The following FGA variants were observed in gnomAD, a reference collection of about 807,000 sequenced individuals.
The protein encoded by FGA is fibrinogen alpha chain.
In FGA, 20 loss-of-function variants were observed where a neutral mutation model predicts 20.3. That is an observed-to-expected ratio of 0.99 (90% CI 0.69 to 1.43). FGA has a LOEUF of 1.43. FGA is among the 40% of genes most tolerant of loss of function. The pLI is 0.00. For synonymous variants in FGA, 306 were observed against 281.6 expected (o/e 1.09, Z -0.87); for missense variants, 777 against 784.7 (o/e 0.99, Z 0.12).
downstream of FGA, chr4:154,583,991 C>T: frequency 1.4e-6 from 1 of 694,464 alleles, no homozygotes; most frequent in Non-Finnish European, 2.5e-6. Context: ...CATTTAGCTA[C>T]AGTACAAAGG....
At chr4:154,588,487 C>T (rs1730790599) in intron 3 of FGA, among the ~76,000 whole-genome samples, 1 of 152,190 alleles carries the variant, frequency 6.6e-6, no homozygotes, top group African/African-American at 2.4e-5. Context: ...AATATCAACT[C>T]AAAGAGTCTG....
chr4:154,589,212 C>T (rs2110819348), intron 2 of FGA, among the ~76,000 whole-genome samples: 1 of 152,168 alleles, frequency 6.6e-6, no homozygotes, highest in East Asian at 1.9e-4. Flanking sequence ...CTGGTTTTGC[C>T]TGAGCATGCA....
Position 154,585,796 on chromosome 4 carries a change from C to T in FGA, c.1633G>A (p.Glu545Lys), listed in dbSNP as rs146737896. 1.1e-4 allele frequency: 175 copies of T among 1,614,062 alleles called. No homozygotes were observed. Among genetic ancestry groups the T allele is most frequent in the Middle Eastern group, 3.3e-4 (2 of 6,084 alleles). ...PMLGEFVSET[E>K]SRGSESGIFT... ...ATGCCAGATTCTGAGCCCCTAGACTCAGTCTCACTGACAAACTCTCCTAAC... is the reference window on the plus strand; with the variant it reads ...ATGCCAGATTCTGAGCCCCTAGACTTAGTCTCACTGACAAACTCTCCTAAC... Residue 545 changes from glutamate (E) to lysine (K), a missense_variant, in exon 5 of 5, where the codon GAG becomes AAG. Coordinates refer to ENST00000403106, the MANE Select transcript of FGA (RefSeq NM_021871.4).
rs760868274 is a variant in FGA at position 154,586,421 on chromosome 4, A to G, written c.1008T>C (p.Ser336=). The part of the protein sequence containing the change: ...SGPGSTGSWN[S]GSSGTGSTGN... ...CAGTACTTCCAGTTCCAGAGCTCCC[A>G]GAGTTCCAGCTTCCAGTACTTCCAG... The change falls in exon 5 of 5, where the codon TCT becomes TCC. Residue 336 remains serine (S), a synonymous_variant. Coordinates refer to ENST00000403106, the MANE Select transcript of FGA (RefSeq NM_021871.4). The G allele has an allele frequency of 1.3e-5, 21 of 1,611,468 alleles. No homozygotes were observed. In the South Asian group the frequency reaches 2.3e-4, roughly 18 times the overall value.
At chr4:154,587,116 C>T (rs1314556260) in intron 4 of FGA, among the ~76,000 whole-genome samples, 198 bp from the exon 5 acceptor site, 1 of 152,088 alleles carries the variant, frequency 6.6e-6, no homozygotes, top group Non-Finnish European at 1.5e-5. Context: ...GCAGGGCTAG[C>T]CAGGATAAGC....
In FGA at chr4:154,585,305, A is replaced by T. The variant is rs949806362; in HGVS notation, c.*189T>A. On this transcript the variant is annotated 3_prime_UTR_variant, in exon 5 of 5. Coordinates refer to ENST00000403106, the MANE Select transcript of FGA (RefSeq NM_021871.4). ...TCATCCATTTAACATGTATTTATTG[A>T]GTCATGGCTCTGTACTGTTAGGCAT... 2 of 1,268,424 alleles carry T rather than the reference A, an allele frequency of 1.6e-6. No homozygotes were observed. Among genetic ancestry groups the T allele is most frequent in the African/African-American group, 3.0e-5 (2 of 66,426 alleles). 78.6% of individuals were successfully genotyped at this position (1,268,424 alleles called of 1,614,324 possible). A position where few individuals can be genotyped will look rare whatever the true frequency, so the allele number is the denominator to read the frequency against.
In FGA at chr4:154,586,525, G is replaced by C. The variant is rs200203992; in HGVS notation, c.904C>G (p.Pro302Ala). ...GGGTTTCGGTTTCCAGTACTTCCAG[G>C]TCCAGAGCTCCCAGAGTTCCAGCTT... ...AGSWNSGSSG[P>A]GSTGNRNPGS... The change falls in exon 5 of 5, where the codon CCT becomes GCT. Residue 302 changes from proline (P) to alanine (A), a missense_variant. Coordinates refer to ENST00000403106, the MANE Select transcript of FGA (RefSeq NM_021871.4). 2,344 of 1,613,336 alleles carry C rather than the reference G, an allele frequency of 1.5e-3. 62 individuals carry two copies. In the South Asian group the frequency reaches 0.024, roughly 17 times the overall value.
At position 154,589,015 on chromosome 4, in the gene FGA, T is replaced by G. The variant is rs751571948; in HGVS notation, c.181-39A>C. The G allele has an allele frequency of 6.6e-6, 10 of 1,520,916 alleles. No individual in the cohort carries two copies. The African/African-American group carries it at 1.4e-4, about 21-fold the overall frequency. 94.2% of individuals were successfully genotyped at this position (1,520,916 alleles called of 1,614,324 possible). Reference sequence around the variant, plus strand: ...GAGAAAATTACAGTAAGGATCTATCTCTCAGATTCAGAATAATTTTGCATG... The same window carrying G: ...GAGAAAATTACAGTAAGGATCTATCGCTCAGATTCAGAATAATTTTGCATG... On this transcript the variant is annotated intron_variant, in intron 2 of 4. Transcript: ENST00000403106.
At chr4:154,590,485 T>C (rs139978378) in intron 1 of FGA, 149 bp downstream of exon 1, 651 of 718,314 alleles carry the variant, frequency 9.1e-4, no homozygotes, top group Non-Finnish European at 1.4e-3. Context: ...TCTTGAGGTG[T>C]CAAGCCCACC....
downstream of FGA, chr4:154,583,941 TA>T: frequency 1.6e-6 from 1 of 613,848 alleles, no homozygotes; most frequent in Non-Finnish European, 2.9e-6. Context: ...AAAAAAACCT[TA>T]CATAACTTTA....
intron 3 of FGA, among the ~76,000 whole-genome samples, chr4:154,588,278 G>A (rs1310170132): frequency 1.3e-5 from 2 of 152,144 alleles, no homozygotes; most frequent in Non-Finnish European, 2.9e-5. Flanking sequence ...CCCTAGACTC[G>A]CTGTCCATGC....
Position 154,587,745 on chromosome 4 carries a change from G to GAA in FGA, c.365-89_365-88insTT, listed in dbSNP as rs758873385. 7 of 524,142 alleles carry GAA rather than the reference G, an allele frequency of 1.3e-5. No individual in the cohort carries two copies. In the African/African-American group the frequency reaches 1.4e-4, roughly 11 times the overall value. The allele number at this position is 524,142 out of a possible 1,614,324, so 32.5% of individuals were successfully genotyped here. Reference sequence around the variant, plus strand: ...AAAAGAAAGGAAGAAAGGAAGGAAGGAGAAAGAAAGAAAGAAAGAAAGAAA... The same window carrying GAA: ...AAAAGAAAGGAAGAAAGGAAGGAAGGAAAGAAAGAAAGAAAGAAAGAAAGAAA... On this transcript the variant is annotated intron_variant, in intron 3 of 4. Transcript: ENST00000403106.
At chr4:154,589,329 T>C (rs1397507164) in intron 2 of FGA, 108 bp downstream of exon 2, 1 of 1,316,882 alleles carries the variant, frequency 7.6e-7, no homozygotes, top group East Asian at 2.3e-5. Flanking sequence ...TAGGTAACTA[T>C]TCAATTATTT....
chr4:154,586,968 A>G (rs760243574), intron 4 of FGA, 50 bp from the exon 5 acceptor site: 1 of 1,563,526 alleles, frequency 6.4e-7, no homozygotes, highest in South Asian at 1.1e-5. Flanking sequence ...CAAATACATA[A>G]ACTACGTCTA....
At position 154,586,163 on chromosome 4, in the gene FGA, T is replaced by G. The variant is rs751799830; in HGVS notation, c.1266A>C (p.Pro422=). 2 of 1,614,198 alleles carry G rather than the reference T, an allele frequency of 1.2e-6. No homozygotes were observed. The change falls in exon 5 of 5, where the codon CCA becomes CCC. Residue 422 remains proline (P), a synonymous_variant. Coordinates refer to ENST00000403106, the MANE Select transcript of FGA (RefSeq NM_021871.4). ...TFEEVSGNVS[P]GTRREYHTEK... ...CTGTGTGGTACTCTCTCCTTGTCCC[T>G]GGACTTACATTTCCTGACACCTCTT...
downstream of FGA, chr4:154,583,916 A>C: frequency 1.7e-6 from 1 of 581,690 alleles, no homozygotes. Flanking sequence ...AAACCCACAG[A>C]GCTATTTAAA....
In FGA at chr4:154,585,476, A is replaced by C; in HGVS notation, c.*18T>G. 7 of 1,476,438 alleles carry C rather than the reference A, an allele frequency of 4.7e-6. No individual in the cohort carries two copies. The highest frequency in any genetic ancestry group is 6.6e-6 in the Non-Finnish European group (7 of 1,054,838). 91.5% of individuals were successfully genotyped at this position (1,476,438 alleles called of 1,614,324 possible). The stretch of plus-strand genomic sequence containing the variant: ...GCAAGGGGCCATGGGAACACTGTGC[A>C]GAAATATTTAACTTAGTCTAGGGGG... On this transcript the variant is annotated 3_prime_UTR_variant, in exon 5 of 5. Transcript: ENST00000403106.
downstream of FGA, chr4:154,584,375 G>T (rs148824832): frequency 4.3e-6 from 7 of 1,614,150 alleles, no homozygotes; most frequent in African/African-American, 9.3e-5. Context: ...GTGCTGAACT[G>T]CATGTTGTTG....
rs535306698 is a variant in FGA, at chr4:154,590,051, T to C, written c.55-489A>G. Among the ~76,000 whole-genome samples, 6 of 152,358 alleles carry C rather than the reference T, an allele frequency of 3.9e-5. No individual in the cohort carries two copies. In the East Asian group the frequency reaches 1.2e-3, roughly 29 times the overall value. On this transcript the variant is annotated intron_variant, in intron 1 of 4. Transcript: ENST00000403106. The stretch of plus-strand genomic sequence containing the variant: ...TTTCTATGTAACCTTTAGAGATGGA[T>C]TCATAATTTAAAAGAATACCATTAC...
Sources: gnomAD v4.1 joint callset for allele counts (sites outside exome capture counted in the v4.1 genomes callset) on GRCh38, gnomAD v4.1.1 for gene constraint, MANE v1.5 for transcripts, NCBI Gene and HGNC (gene_info 2026-07-23, HGNC 2026-07-21) for gene names.